The following GATAD2A variants were observed in gnomAD, a reference collection of about 807,000 sequenced individuals.
GATAD2A encodes the protein GATA zinc finger domain containing 2A.
A neutral mutation model predicts 68.5 loss-of-function variants in GATAD2A; 12 were observed. That is an observed-to-expected ratio of 0.18 (90% CI 0.11 to 0.28). The LOEUF is 0.28. GATAD2A is among the 10% of genes least tolerant of loss of function. The pLI, the probability that GATAD2A is intolerant of heterozygous loss-of-function variation, is 1.00. For synonymous variants in GATAD2A, 410 were observed against 375.3 expected (o/e 1.09, Z -1.07); for missense variants, 755 against 868.5 (o/e 0.87, Z 1.64).
At chr19:19,484,518 C>CTTTTTTTTTTTTCTTTTTTT (rs2059278742) in intron 2 of GATAD2A, among the ~76,000 whole-genome samples, 10 of 114,464 alleles carry the variant, frequency 8.7e-5, no homozygotes, top group Non-Finnish European at 1.3e-4. Context: ...TTTTCTTTTT[C>CTTTTTTTTTTTTCTTTTTTT]TTTTTTTTTT....
chr19:19,418,099 G>A (rs1454625029), intron 1 of GATAD2A, among the ~76,000 whole-genome samples: 2 of 152,156 alleles, frequency 1.3e-5, no homozygotes, highest in Non-Finnish European at 2.9e-5. Context: ...TGGATCTTTG[G>A]TTTTAGGGGT....
At position 19,501,160 on chromosome 19, in the gene GATAD2A, A is replaced by C. The variant is rs751834318; in HGVS notation, c.1247A>C (p.Tyr416Ser). Residue 416 changes from tyrosine (Y) to serine (S), a missense_variant, in exon 9 of 12, where the codon TAC becomes TCC. Coordinates refer to ENST00000683918, the MANE Select transcript of GATAD2A (RefSeq NM_001384528.1). ...SAATVLSREP[Y>S]MCAQCKTDFT... ...GCCACTGTGCTGTCCCGGGAGCCCT[A>C]CATGTGTGCACAGTGCAAGACGGAC... 2 of 1,613,256 alleles carry C rather than the reference A, an allele frequency of 1.2e-6. No homozygotes were observed. Among genetic ancestry groups the C allele is most frequent in the Non-Finnish European group, 1.7e-6 (2 of 1,179,974 alleles).
chr19:19,404,304 T>C (rs995270451), upstream of GATAD2A, among the ~76,000 whole-genome samples: 1 of 152,042 alleles, frequency 6.6e-6, no homozygotes, highest in Non-Finnish European at 1.5e-5. Context: ...TTGTTCTACA[T>C]GAAGTGTTTT....
At chr19:19,411,271 C>T (rs1266195931) in intron 1 of GATAD2A, among the ~76,000 whole-genome samples, 1 of 152,222 alleles carries the variant, frequency 6.6e-6, no homozygotes, top group African/African-American at 2.4e-5. Context: ...TTTTCCACTG[C>T]CTTGGGGCCT....
chr19:19,489,243 G>A (rs980487032), intron 2 of GATAD2A, among the ~76,000 whole-genome samples: 1 of 152,196 alleles, frequency 6.6e-6, no homozygotes. Context: ...GTGGGCTGGC[G>A]CCACACAGGA....
intron 1 of GATAD2A, among the ~76,000 whole-genome samples, chr19:19,393,359 G>A (rs979936534): frequency 2.0e-5 from 3 of 152,006 alleles, no homozygotes; most frequent in Admixed American, 1.3e-4. Context: ...TTACTTGTGT[G>A]GCCATAAGAT....
At chr19:19,482,294 C>T (rs1382325684) in intron 2 of GATAD2A, among the ~76,000 whole-genome samples, 1 of 152,150 alleles carries the variant, frequency 6.6e-6, no homozygotes, top group East Asian at 1.9e-4. Flanking sequence ...GTCCCAGTTA[C>T]TGGAGAGACT....
At chr19:19,433,198 C>T (rs947241334) in intron 1 of GATAD2A, among the ~76,000 whole-genome samples, 1 of 152,156 alleles carries the variant, frequency 6.6e-6, no homozygotes, top group Non-Finnish European at 1.5e-5. Context: ...CCCCCTGCCC[C>T]AGGAAGATGT....
chr19:19,452,954 C>G lies in GATAD2A; in HGVS notation c.-6-12386C>G, dbSNP rs35548563. ...TCAGGATTTCCCTGGCACAAACGACCTCGCTCTCCCTCAGTCCTCAAAGGT... is the reference window on the plus strand; with the variant it reads ...TCAGGATTTCCCTGGCACAAACGACGTCGCTCTCCCTCAGTCCTCAAAGGT... On this transcript the variant is annotated intron_variant, in intron 1 of 11. Transcript: ENST00000683918. Among the ~76,000 whole-genome samples, 146 of 152,280 alleles carry G rather than the reference C, an allele frequency of 9.6e-4. 1 individual carries two copies. The highest frequency in any genetic ancestry group is 1.7e-3 in the Non-Finnish European group (119 of 68,010).
intron 11 of GATAD2A, 50 bp downstream of exon 11, chr19:19,502,576 C>A: frequency 7.1e-7 from 1 of 1,403,484 alleles, no homozygotes; most frequent in South Asian, 1.3e-5. Context: ...TTGTGGGGTT[C>A]ACCCTTCCTT....
chr19:19,416,277 A>T (rs1392274667), intron 1 of GATAD2A, among the ~76,000 whole-genome samples: 3 of 152,042 alleles, frequency 2.0e-5, no homozygotes, highest in Non-Finnish European at 2.9e-5. Context: ...GGCAAGAGCG[A>T]GGGCCTTAAC....
chr19:19,489,052 C>T (rs2059619501), intron 2 of GATAD2A, among the ~76,000 whole-genome samples: 1 of 152,242 alleles, frequency 6.6e-6, no homozygotes, highest in Non-Finnish European at 1.5e-5. Context: ...TTTTGAGCCA[C>T]ATGCTCTTTT....
At chr19:19,399,268 G>T (rs936806854) in intron 1 of GATAD2A, among the ~76,000 whole-genome samples, 5 of 151,706 alleles carry the variant, frequency 3.3e-5, no homozygotes, top group African/African-American at 9.7e-5. Context: ...TTGAGACAGG[G>T]TCTCATTCTG....
chr19:19,461,987 G>T (rs1440887346), intron 1 of GATAD2A, among the ~76,000 whole-genome samples: 2 of 152,176 alleles, frequency 1.3e-5, no homozygotes, highest in African/African-American at 4.8e-5. Context: ...CCCTTGCCTG[G>T]AACTTCCGCC....
At chr19:19,499,329 G>A (rs2060366205) in intron 8 of GATAD2A, among the ~76,000 whole-genome samples, 2 of 152,194 alleles carry the variant, frequency 1.3e-5, no homozygotes, top group South Asian at 2.1e-4. Flanking sequence ...GACCAAGGAC[G>A]TTTCTGCCCA....
At chr19:19,387,452 T>G (rs2048523024) in intron 1 of GATAD2A, among the ~76,000 whole-genome samples, 3 of 152,114 alleles carry the variant, frequency 2.0e-5, no homozygotes, top group Admixed American at 2.0e-4. Flanking sequence ...CCTGAGTAGC[T>G]GGGACTACAG....
intron 1 of GATAD2A, chr19:19,441,580 A>G: frequency 6.4e-6 from 1 of 156,466 alleles, no homozygotes; most frequent in Non-Finnish European, 1.4e-5. Context: ...TTTTTGTTTT[A>G]AGACGGAGTC....
At chr19:19,456,288 C>T (rs759998077) in intron 1 of GATAD2A, among the ~76,000 whole-genome samples, 16 of 152,300 alleles carry the variant, frequency 1.1e-4, no homozygotes, top group Non-Finnish European at 1.8e-4. Context: ...CAGACATGCT[C>T]CAAGTCCCCT....
intron 4 of GATAD2A, among the ~76,000 whole-genome samples, chr19:19,493,149 C>G (rs921887501): frequency 1.3e-5 from 2 of 152,288 alleles, no homozygotes; most frequent in African/African-American, 4.8e-5. Context: ...CCACATTGGC[C>G]AGGATGGTCT....
Sources: allele counts gnomAD v4.1 joint callset (sites outside exome capture counted in the v4.1 genomes callset), GRCh38; gene constraint gnomAD v4.1.1; transcripts MANE v1.5; gene names NCBI Gene and HGNC (gene_info 2026-07-23, HGNC 2026-07-21).